SLC16A12: variants seen among roughly 807,000 people sequenced by gnomAD.
SLC16A12 encodes monocarboxylate transporter 12.
Under a neutral mutation model 42.4 loss-of-function variants are expected in SLC16A12, and 17 were observed. The ratio of observed to expected loss-of-function variants is 0.40; its 90% CI spans 0.27 to 0.60. SLC16A12 has a LOEUF of 0.60. Among genes scored for constraint, SLC16A12 ranks in the 20% least tolerant of loss-of-function variants. The probability of loss-of-function intolerance (pLI) is 0.42; values close to 1 mark genes in which losing one functional copy is unlikely to be tolerated. For missense variants in SLC16A12, 544 were observed against 623.0 expected, an observed-to-expected ratio of 0.87 and a Z score of 1.35; for synonymous variants, 224 against 229.4, an observed-to-expected ratio of 0.98 and a Z score of 0.21.
At chr10:89,515,659 A>T (rs1375714550) in intron 2 of SLC16A12, among the ~76,000 whole-genome samples, 1 of 152,208 alleles carries the variant, frequency 6.6e-6, no homozygotes, top group East Asian at 1.9e-4. Context: ...TGATCTCATC[A>T]GAGTCACAGT....
upstream of SLC16A12, among the ~76,000 whole-genome samples, chr10:89,539,195 T>C (rs577261453): frequency 2.2e-4 from 34 of 152,334 alleles, no homozygotes; most frequent in African/African-American, 7.9e-4. Context: ...ACAAGTGACA[T>C]TGAATATTTT....
Position 89,432,332 on chromosome 10 carries a change from G to A in SLC16A12, c.*732C>T, listed in dbSNP as rs924048286. ...ACCCAGTCTTAGGAAAAGAGCTTTC[G>A]GTTTCCAGTGGACAATTTCAAATGG... On this transcript the variant is annotated 3_prime_UTR_variant, in exon 8 of 8. Coordinates refer to ENST00000371790, the MANE Select transcript of SLC16A12 (RefSeq NM_213606.4). The A allele has an allele frequency of 5.3e-5, 8 of 152,094 alleles. No individual in the cohort carries two copies. Among genetic ancestry groups the A allele is most frequent in the African/African-American group, 1.2e-4 (5 of 41,400 alleles). The allele number at this position is 152,094 out of a possible 1,614,324, so 9.4% of individuals were successfully genotyped here.
At chr10:89,530,708 G>T (rs995394905) in intron 2 of SLC16A12, among the ~76,000 whole-genome samples, 2 of 151,998 alleles carry the variant, frequency 1.3e-5, no homozygotes, top group Admixed American at 6.6e-5. Flanking sequence ...TGTGAGCCAC[G>T]GCGCCCGGCT....
At position 89,441,242 on chromosome 10, in the gene SLC16A12, C is replaced by G. The variant is rs773410251; in HGVS notation, c.314G>C (p.Gly105Ala). ...DCVTMLCAPL[G>A]SVVSNHLSCQ... ...GGATAAATGGTTACTGACAACACTC[C>G]CAAGTGGAGCTTCAAAAACAATAAG... Residue 105 changes from glycine to alanine, a missense_variant, in exon 5 of 8, where the codon GGG (glycine) becomes GCG (alanine). Gly to Ala is a moderately conservative substitution (Grantham distance 60). Transcript: ENST00000371790. 1.9e-6 allele frequency: 3 copies of G among 1,614,036 alleles called. No homozygotes were observed. Among genetic ancestry groups the G allele is most frequent in the Admixed American group, 3.3e-5 (2 of 60,006 alleles).
Position 89,554,147 on chromosome 10 carries a change from A to AAGGTAG in SLC16A12, c.-47+1734_-47+1735insCTACCT, listed in dbSNP as rs1363375178. 6.4e-5 allele frequency among the ~76,000 whole-genome samples: 6 copies of AAGGTAG among 93,034 alleles called. 1 individual carries two copies. The highest frequency in any genetic ancestry group is 3.4e-4 in the African/African-American group (6 of 17,742). 61.0% of individuals were successfully genotyped at this position (93,034 alleles called of 152,430 possible). On this transcript the variant is annotated intron_variant, in intron 2 of 2. Transcript: ENST00000475682. ...AGGAAGGAAGGAAGGAAGGAAGGAA[A>AAGGTAG]GAAAGAAAGAAAATGGGAAAGTTCT... is the stretch of plus-strand genomic sequence containing the variant.
rs780124609 is a variant in SLC16A12 at position 89,438,647 on chromosome 10, C to T, written c.985G>A (p.Asp329Asn). The T allele has an allele frequency of 1.2e-6, 2 of 1,613,770 alleles. No individual in the cohort carries two copies. Among genetic ancestry groups the T allele is most frequent in the East Asian group, 4.5e-5 (2 of 44,882 alleles). ...AFLMSILGVI[D>N]IIGNITFGWL... The stretch of plus-strand genomic sequence containing the variant: ...CCAAATGTGATATTGCCAATAATGT[C>T]AATCACTCCAAGTATGGACATAAGA... The change falls in exon 6 of 8, where the codon GAC (aspartate) becomes AAC (asparagine). Residue 329 changes from aspartate to asparagine, a missense_variant. By Grantham distance (23) the Asp-to-Asn change is conservative. Coordinates refer to ENST00000371790, the MANE Select transcript of SLC16A12 (RefSeq NM_213606.4).
intron 3 of SLC16A12, among the ~76,000 whole-genome samples, chr10:89,449,400 C>A (rs1488733865): frequency 6.6e-6 from 1 of 152,042 alleles, no homozygotes; most frequent in East Asian, 1.9e-4. Flanking sequence ...GTACTGGTAC[C>A]AAAACAGAGA....
intron 2 of SLC16A12, among the ~76,000 whole-genome samples, chr10:89,514,020 A>AT (rs1843205416): frequency 6.6e-6 from 1 of 152,228 alleles, no homozygotes; most frequent in Admixed American, 6.5e-5. Flanking sequence ...AGATCAGATC[A>AT]TTCAGTTGAT....
rs113210774 is a variant in SLC16A12 at position 89,431,468 on chromosome 10, A to G, written c.*1596T>C. On this transcript the variant is annotated 3_prime_UTR_variant, in exon 8 of 8. Transcript: ENST00000371790. The stretch of plus-strand genomic sequence containing the variant: ...CAGTATTTCATTCTGAAAGCAATGT[A>G]TTAACATGTGATTTTATGAAATAAT... 3.9e-5 allele frequency: 6 copies of G among 152,374 alleles called. No individual in the cohort carries two copies. The highest frequency in any genetic ancestry group is 1.9e-4 in the East Asian group (1 of 5,192). 9.4% of individuals were successfully genotyped at this position (152,374 alleles called of 1,614,324 possible). A position where few individuals can be genotyped will look rare whatever the true frequency, so the allele number is the denominator to read the frequency against.
At chr10:89,466,167 G>A (rs1247526622) in intron 2 of SLC16A12, among the ~76,000 whole-genome samples, 2 of 152,160 alleles carry the variant, frequency 1.3e-5, no homozygotes, top group Non-Finnish European at 2.9e-5. Context: ...TTCACAAAAT[G>A]TTGTATATAT....
At chr10:89,470,950 C>G (rs1419693431) in intron 2 of SLC16A12, among the ~76,000 whole-genome samples, 1 of 152,148 alleles carries the variant, frequency 6.6e-6, no homozygotes, top group Non-Finnish European at 1.5e-5. Flanking sequence ...TCCCCTAGAC[C>G]AGACACACTC....
At chr10:89,435,521 T>C (rs1841765782) in intron 7 of SLC16A12, among the ~76,000 whole-genome samples, 1 of 152,304 alleles carries the variant, frequency 6.6e-6, no homozygotes, top group East Asian at 1.9e-4. Context: ...CTCTCCTAAG[T>C]TACTAGATCA....
intron 2 of SLC16A12, among the ~76,000 whole-genome samples, chr10:89,485,623 C>T (rs1443154865): frequency 6.6e-6 from 1 of 152,168 alleles, no homozygotes; most frequent in African/African-American, 2.4e-5. Flanking sequence ...AAGAGGGATT[C>T]AGGCATGGGG....
At chr10:89,476,237 TCA>T (rs1186939189) in intron 2 of SLC16A12, among the ~76,000 whole-genome samples, 3 of 152,208 alleles carry the variant, frequency 2.0e-5, no homozygotes, top group African/African-American at 2.4e-5. Context: ...GAGATGCATT[TCA>T]CAGAGTCTTT....
chr10:89,436,102 A>C lies in SLC16A12; in HGVS notation c.1246T>G (p.Phe416Val). ...SLSSALGVVYFLHAVPYLVSP... is the reference protein window; with the variant it reads ...SLSSALGVVYVLHAVPYLVSP... ...ACCAAGTATGGCACTGCGTGAAGGAAGTATACCACACCAAGCGCTGATGAC... is the reference window on the plus strand; with the variant it reads ...ACCAAGTATGGCACTGCGTGAAGGACGTATACCACACCAAGCGCTGATGAC... The change falls in exon 7 of 8, where the codon TTC becomes GTC. Residue 416 changes from phenylalanine to valine, a missense_variant. Coordinates refer to ENST00000371790, the MANE Select transcript of SLC16A12 (RefSeq NM_213606.4). 2 of 1,613,964 alleles carry C rather than the reference A, an allele frequency of 1.2e-6. No individual in the cohort carries two copies. Among genetic ancestry groups the C allele is most frequent in the Non-Finnish European group, 8.5e-7 (1 of 1,179,946 alleles).
chr10:89,521,655 G>T (rs1015563950), intron 2 of SLC16A12, among the ~76,000 whole-genome samples: 1 of 152,124 alleles, frequency 6.6e-6, no homozygotes, highest in African/African-American at 2.4e-5. Context: ...GCCTCTCTCT[G>T]TCCAGAGAGT....
In SLC16A12 at chr10:89,433,290, G is replaced by C. The variant is rs1219358924; in HGVS notation, c.1325C>G (p.Ala442Gly). 6.2e-7 allele frequency: 1 copy of C among 1,614,160 alleles called. No homozygotes were observed. The highest frequency in any genetic ancestry group is 1.7e-5 in the Admixed American group (1 of 60,028). Reference protein sequence around the residue: ...LVDTTGSYTAAFLLCGFSMIF... With the variant: ...LVDTTGSYTAGFLLCGFSMIF... ...CATTGAAAATCCACAGAGGAGGAAT[G>C]CTGCAGTGTAGCTGCCGGTGGTATC... The change falls in exon 8 of 8, where the codon GCA (alanine) becomes GGA (glycine). Residue 442 changes from alanine to glycine, a missense_variant. Physicochemically the swap from Ala to Gly is moderately conservative, Grantham distance 60. Transcript: ENST00000371790.
intron 7 of SLC16A12, among the ~76,000 whole-genome samples, chr10:89,433,564 A>C (rs1841728159): frequency 6.6e-6 from 1 of 152,234 alleles, no homozygotes; most frequent in Non-Finnish European, 1.5e-5. Context: ...GAAAAGCATC[A>C]TGTACTTAGT....
At chr10:89,525,470 T>C (rs1418413957) in intron 2 of SLC16A12, among the ~76,000 whole-genome samples, 1 of 152,088 alleles carries the variant, frequency 6.6e-6, no homozygotes, top group Admixed American at 6.5e-5. Context: ...ATATGGAAGA[T>C]AACGAAAGAA....
Sources: gnomAD v4.1 joint callset for allele counts (sites outside exome capture counted in the v4.1 genomes callset) on GRCh38, gnomAD v4.1.1 for gene constraint, MANE v1.5 for transcripts, NCBI Gene and HGNC (gene_info 2026-07-23, HGNC 2026-07-21) for gene names.